CFP: variants seen among roughly 807,000 people sequenced by gnomAD.
The protein encoded by CFP is properdin.
Under a neutral mutation model 42.1 loss-of-function variants are expected in CFP, and 14 were observed. The observed-to-expected ratio is 0.33, with a 90% CI of 0.22 to 0.52. The LOEUF (loss-of-function observed/expected upper bound fraction) is 0.52. Ranked by LOEUF, CFP falls within the 20% of genes least tolerant of loss-of-function variation. The pLI is 0.96. For missense variants in CFP, 318 were observed against 400.4 expected (o/e 0.79, Z 1.76); for synonymous variants, 149 against 160.6 (o/e 0.93, Z 0.54).
chrX:47,628,891 T>C (rs767210951), intron 2 of CFP: 6 of 165,436 alleles, frequency 3.6e-5, no homozygotes, highest in Non-Finnish European at 7.0e-5. Flanking sequence ...CTGGAAATCA[T>C]GATCAGGAGA....
At chrX:47,626,745 T>C (rs764618893) in intron 6 of CFP, 28 bp downstream of exon 6, 1 of 1,190,035 alleles carries the variant, frequency 8.4e-7, no homozygotes, top group Non-Finnish European at 1.1e-6. Context: ...GACTTAGGCA[T>C]GCAAATCGTG....
rs1053438421 is a variant in CFP at position 47,625,848 on chromosome X, T to C, written c.1244+210A>G. 8.1e-5 allele frequency: 37 copies of C among 458,245 alleles called. No homozygotes were observed. The Admixed American group carries it at 1.2e-3, about 15-fold the overall frequency. The allele number at this position is 458,245 out of a possible 1,213,427, so 37.8% of individuals were successfully genotyped here. The stretch of plus-strand genomic sequence containing the variant: ...CTAAGTGGATGAGTGACTGAACAGG[T>C]GACTGAGGGGCACAGAGGCTACGAA... On this transcript the variant is annotated intron_variant, in intron 8 of 8. Transcript: ENST00000396992.
chrX:47,628,836 G>C, intron 2 of CFP: 1 of 199,924 alleles, frequency 5.0e-6, no homozygotes, highest in Non-Finnish European at 9.5e-6. Flanking sequence ...TAGTAAACAA[G>C]TAGAAAACAG....
intron 3 of CFP, among the ~76,000 whole-genome samples, chrX:47,627,845 T>C: frequency 9.0e-6 from 1 of 111,655 alleles, no homozygotes; most frequent in Middle Eastern, 4.6e-3. Context: ...GTGCACAGTC[T>C]GTTCTCCTCC....
chrX:47,627,128 C>A lies in CFP; in HGVS notation c.766+13G>T, dbSNP rs764398330. ...GCCCCACCAGCAACATCAGCAGCCT[C>A]ATCCTGGTGTACCTGGGCAGGGTGG... On this transcript the variant is annotated intron_variant, in intron 5 of 8. Coordinates refer to ENST00000396992, the MANE Select transcript of CFP (RefSeq NM_001145252.3). The A allele has an allele frequency of 8.3e-7, 1 of 1,210,723 alleles. No individual in the cohort carries two copies. Among genetic ancestry groups the A allele is most frequent in the African/African-American group, 1.7e-5 (1 of 58,034 alleles).
At chrX:47,625,751 TGA>T in intron 8 of CFP, 1 of 347,878 alleles carries the variant, frequency 2.9e-6, no homozygotes, top group Non-Finnish European at 5.2e-6. Context: ...AGGCAGGCAG[TGA>T]ATGGAGGCCT....
chrX:47,627,092 C>G, intron 5 of CFP, 49 bp downstream of exon 5: 10 of 1,195,826 alleles, frequency 8.4e-6, no homozygotes, highest in Non-Finnish European at 7.9e-6. Context: ...CATCTCTGCC[C>G]TCAATCAAGA....
At chrX:47,627,004 C>T in intron 5 of CFP, 58 bp from the exon 6 acceptor site, 2 of 1,149,589 alleles carry the variant, frequency 1.7e-6, no homozygotes, top group South Asian at 1.9e-5. Context: ...CCTCTCAGCC[C>T]CTAGACCCTT....
At chrX:47,629,488 CCT>C in intron 2 of CFP, 34 bp downstream of exon 2, 1 of 657,605 alleles carries the variant, frequency 1.5e-6, no homozygotes, top group Non-Finnish European at 2.4e-6. Flanking sequence ...ACAGTCCTTC[CCT>C]CCCCCCCATC....
intron 6 of CFP, 80 bp downstream of exon 6, chrX:47,626,693 G>A: frequency 9.0e-7 from 1 of 1,108,228 alleles, no homozygotes; most frequent in Non-Finnish European, 1.2e-6. Flanking sequence ...ACAGGAACAA[G>A]GCCTCAGCAG....
chrX:47,629,221 C>G (rs955831483), intron 2 of CFP: 7 of 301,009 alleles, frequency 2.3e-5, no homozygotes, highest in African/African-American at 1.6e-4. Context: ...GGACATTTGG[C>G]AATGTCTGCT....
At chrX:47,629,710 G>A (rs1428169619) in intron 1 of CFP, 36 bp from the exon 2 acceptor site, 10 of 1,164,436 alleles carry the variant, frequency 8.6e-6, no homozygotes, top group Middle Eastern at 2.8e-4. Context: ...GGTGGGGCTC[G>A]GTCAGGGATG....
At position 47,627,153 on chromosome X, in the gene CFP, G is replaced by T. The variant is rs1309851150; in HGVS notation, c.754C>A (p.Pro252Thr). 2.5e-6 allele frequency: 3 copies of T among 1,210,417 alleles called. No homozygotes were observed. In the African/African-American group the frequency reaches 5.2e-5, roughly 21 times the overall value. Reference protein sequence around the residue: ...AYEQRRCTGLPPCPVAGGWGP... With the variant: ...AYEQRRCTGLTPCPVAGGWGP... The stretch of plus-strand genomic sequence containing the variant: ...CATCCTGGTGTACCTGGGCAGGGTG[G>T]CAGGCCGGTGCACCTCCGCTGCTCG... Residue 252 changes from proline (P) to threonine (T), a missense_variant, in exon 5 of 9, where the codon CCA (proline) becomes ACA (threonine). Pro to Thr is a conservative substitution (Grantham distance 38). Transcript: ENST00000396992.
rs775387328 is a variant in CFP, at chrX:47,626,392, G to A, written c.1068C>T (p.Asp356=). ...RGRTCRGRKF[D]GHRCAGQQQD... ...GCTGTTGCCCGGCACATCGATGTCC[G>A]TCAAACTTGCGGCCCCTGCAGGTCC... The change falls in exon 7 of 9, where the codon GAC becomes GAT. Residue 356 remains aspartate (D), a synonymous_variant. Transcript: ENST00000396992. 2.4e-5 allele frequency: 29 copies of A among 1,209,815 alleles called. No homozygotes were observed. In the African/African-American group the frequency reaches 4.2e-4, roughly 18 times the overall value.
intron 3 of CFP, 76 bp downstream of exon 3, chrX:47,628,026 G>C: frequency 8.9e-7 from 1 of 1,123,907 alleles, no homozygotes; most frequent in Non-Finnish European, 1.2e-6. Flanking sequence ...GGCCCACTCT[G>C]AGGACCTCTG....
intron 2 of CFP, 181 bp from the exon 3 acceptor site, chrX:47,628,458 CT>C: frequency 1.9e-6 from 1 of 527,563 alleles, no homozygotes; most frequent in Non-Finnish European, 3.4e-6. Context: ...ACAATAAGTG[CT>C]TGATAATGTC....
chrX:47,628,162 C>T lies in CFP; in HGVS notation c.343G>A (p.Val115Met). Residue 115 changes from valine to methionine, a missense_variant, in exon 3 of 9, where the codon GTG becomes ATG. Physicochemically the swap from Val to Met is conservative, Grantham distance 21 (BLOSUM62 1). Transcript: ENST00000396992. ...TGCCACTCCAGGGTCCCAGGTGCCA[C>T]CTTTCCAGAGCACTGCCCATTCCAG... ...VGWNGQCSGKVAPGTLEWQLQ... is the reference protein window; with the variant it reads ...VGWNGQCSGKMAPGTLEWQLQ... The T allele has an allele frequency of 8.3e-7, 1 of 1,212,031 alleles. No individual in the cohort carries two copies. Among genetic ancestry groups the T allele is most frequent in the Non-Finnish European group, 1.1e-6 (1 of 895,594 alleles).
Position 47,626,065 on chromosome X carries a change from T to C in CFP, c.1237A>G (p.Lys413Glu), listed in dbSNP as rs1421421234. The change falls in exon 8 of 9, where the codon AAG becomes GAG. Residue 413 changes from lysine to glutamate, a missense_variant. Physicochemically the swap from Lys to Glu is moderately conservative, Grantham distance 56. Coordinates refer to ENST00000396992, the MANE Select transcript of CFP (RefSeq NM_001145252.3). ...RQRLCTPLLP[K>E]YPPTVSMVEG... ...CTTTGCCCTCTCACTCACGGGTACT[T>C]GGGGAGCAAGGGTGTGCAGAGGCGC... 67 of 1,173,846 alleles carry C rather than the reference T, an allele frequency of 5.7e-5. No individual in the cohort carries two copies. The highest frequency in any genetic ancestry group is 7.4e-5 in the Non-Finnish European group (65 of 875,182).
In CFP at chrX:47,628,156, G is replaced by T. The variant is rs779638780; in HGVS notation, c.349C>A (p.Pro117Thr). The T allele has an allele frequency of 8.3e-7, 1 of 1,211,721 alleles. No individual in the cohort carries two copies. The highest frequency in any genetic ancestry group is 2.2e-5 in the Admixed American group (1 of 46,051). The change falls in exon 3 of 9, where the codon CCT becomes ACT. Residue 117 changes from proline to threonine, a missense_variant. Physicochemically the swap from Pro to Thr is conservative, Grantham distance 38. Transcript: ENST00000396992. Reference sequence around the variant, plus strand: ...TGGAGCTGCCACTCCAGGGTCCCAGGTGCCACCTTTCCAGAGCACTGCCCA... The same window carrying T: ...TGGAGCTGCCACTCCAGGGTCCCAGTTGCCACCTTTCCAGAGCACTGCCCA... Reference protein sequence around the residue: ...WNGQCSGKVAPGTLEWQLQAC... With the variant: ...WNGQCSGKVATGTLEWQLQAC...
Sources: allele counts gnomAD v4.1 joint callset (sites outside exome capture counted in the v4.1 genomes callset), GRCh38; gene constraint gnomAD v4.1.1; transcripts MANE v1.5; gene names NCBI Gene and HGNC (gene_info 2026-07-23, HGNC 2026-07-21).